Variants in HDX observed in about 807,000 individuals in gnomAD.
HDX encodes chromosome X open reading frame 43.
In HDX, 19 loss-of-function variants were observed where a neutral mutation model predicts 45.2. The observed-to-expected ratio is 0.42, with a 90% CI of 0.29 to 0.62. The LOEUF (loss-of-function observed/expected upper bound fraction) is 0.62, where lower values mean the gene tolerates loss of function less well. Among genes scored for constraint, HDX ranks in the 20% least tolerant of loss-of-function variants. The pLI, the probability that HDX is intolerant of heterozygous loss-of-function variation, is 0.20. For synonymous variants in HDX, 188 were observed against 172.8 expected (o/e 1.09, Z -0.69); for missense variants, 532 against 493.9 (o/e 1.08, Z -0.73).
Position 84,485,587 on chromosome X carries a change from G to A in HDX, c.-1+2437C>T, listed in dbSNP as rs189982225. On this transcript the variant is annotated intron_variant, in intron 2 of 10. Coordinates refer to ENST00000373177, the MANE Select transcript of HDX (RefSeq NM_001177479.2). ...TAATTTTTGTATTTTTAGTAGAGACGGGGTTTCACCATGTTGGCCAGGCTG... is the reference window on the plus strand; with the variant it reads ...TAATTTTTGTATTTTTAGTAGAGACAGGGTTTCACCATGTTGGCCAGGCTG... Among the ~76,000 whole-genome samples, 20 of 111,051 alleles carry A rather than the reference G, an allele frequency of 1.8e-4. No homozygotes were observed. The East Asian group carries it at 4.3e-3, about 24-fold the overall frequency.
At chrX:84,373,236 T>A (rs1267039756) in intron 5 of HDX, among the ~76,000 whole-genome samples, 1 of 111,473 alleles carries the variant, frequency 9.0e-6, no homozygotes, top group Non-Finnish European at 1.9e-5. Flanking sequence ...CGAGGAGCAC[T>A]TTTGATAGGA....
At chrX:84,458,554 C>T (rs1480422870) in intron 4 of HDX, among the ~76,000 whole-genome samples, 1 of 111,801 alleles carries the variant, frequency 8.9e-6, no homozygotes, top group Admixed American at 9.5e-5. Context: ...AAACATATAC[C>T]ATAATCACAT....
chrX:84,408,985 T>A (rs1379245650), intron 5 of HDX, among the ~76,000 whole-genome samples: 1 of 110,922 alleles, frequency 9.0e-6, no homozygotes, highest in Non-Finnish European at 1.9e-5. Flanking sequence ...GGGTTTTCTA[T>A]GTATATCCAG....
At chrX:84,500,548 C>A in intron 1 of HDX, among the ~76,000 whole-genome samples, 1 of 110,091 alleles carries the variant, frequency 9.1e-6, no homozygotes, top group East Asian at 2.9e-4. Context: ...CAATAATTGA[C>A]GTGGGAATTC....
At chrX:84,417,032 G>A (rs774983210) in intron 5 of HDX, among the ~76,000 whole-genome samples, 2 of 109,250 alleles carry the variant, frequency 1.8e-5, no homozygotes, top group Non-Finnish European at 3.8e-5. Flanking sequence ...GTGGGAGCCT[G>A]TATCCCAGCT....
At position 84,459,580 on chromosome X, in the gene HDX, C is replaced by T. The variant is rs187919712; in HGVS notation, c.1251+8892G>A. On this transcript the variant is annotated intron_variant, in intron 4 of 10. Transcript: ENST00000373177. ...GAGGAAAGTTTAAAGCTGTAAGTGCCTACATTCAAAAAGTAGAGAAAATTT... is the reference window on the plus strand; with the variant it reads ...GAGGAAAGTTTAAAGCTGTAAGTGCTTACATTCAAAAAGTAGAGAAAATTT... Among the ~76,000 whole-genome samples, 202 of 110,294 alleles carry T rather than the reference C, an allele frequency of 1.8e-3. 1 individual carries two copies. The highest frequency in any genetic ancestry group is 6.4e-3 in the African/African-American group (196 of 30,399).
At chrX:84,405,620 G>T (rs1307307063) in intron 5 of HDX, among the ~76,000 whole-genome samples, 2 of 86,226 alleles carry the variant, frequency 2.3e-5, no homozygotes, top group African/African-American at 4.4e-5. Flanking sequence ...TTTCTATTTG[G>T]AACTGTGGAT....
rs142903902 is a variant in HDX, at chrX:84,421,311, G to A, written c.1305+19221C>T. Among the ~76,000 whole-genome samples, 753 of 111,317 alleles carry A rather than the reference G, an allele frequency of 6.8e-3. 4 individuals carry two copies. Among genetic ancestry groups the A allele is most frequent in the Non-Finnish European group, 9.9e-3 (526 of 52,960 alleles). ...GATAAACTATAGAGTATTAGTTTCC[G>A]TTTTGCTTGTTTCTCATTTGTTTAT... On this transcript the variant is annotated intron_variant, in intron 5 of 10. Coordinates refer to ENST00000373177, the MANE Select transcript of HDX (RefSeq NM_001177479.2).
At chrX:84,369,222 A>C (rs980458148) in intron 5 of HDX, among the ~76,000 whole-genome samples, 5 of 112,334 alleles carry the variant, frequency 4.5e-5, no homozygotes, top group African/African-American at 1.6e-4. Flanking sequence ...CTCAAAGTTT[A>C]TCTATGTCAC....
chrX:84,459,674 G>GA (rs200553979), intron 4 of HDX, among the ~76,000 whole-genome samples: 64 of 102,268 alleles, frequency 6.3e-4, no homozygotes, highest in African/African-American at 1.2e-3. Context: ...AAAGTTATTA[G>GA]AAAAAAAAAA....
At chrX:84,413,216 C>T (rs1348089008) in intron 5 of HDX, among the ~76,000 whole-genome samples, 1 of 112,153 alleles carries the variant, frequency 8.9e-6, no homozygotes, top group Non-Finnish European at 1.9e-5. Context: ...AGAACTAAGA[C>T]ACTCTGGCTT....
chrX:84,473,686 G>A (rs757715080), intron 3 of HDX, among the ~76,000 whole-genome samples: 5 of 109,583 alleles, frequency 4.6e-5, no homozygotes, highest in East Asian at 5.7e-4. Context: ...ATAACACATC[G>A]GAAATATGAA....
intron 4 of HDX, among the ~76,000 whole-genome samples, chrX:84,445,369 G>A (rs2039850044): frequency 9.0e-6 from 1 of 111,275 alleles, no homozygotes; most frequent in South Asian, 3.7e-4. Flanking sequence ...TTTAGTATTA[G>A]CTGAGCATAG....
chrX:84,439,250 T>C (rs1284021729), intron 5 of HDX, among the ~76,000 whole-genome samples: 2 of 111,590 alleles, frequency 1.8e-5, no homozygotes, highest in Non-Finnish European at 3.8e-5. Context: ...TTATTTAGAC[T>C]GATTTTTAGC....
In HDX at chrX:84,397,038, G is replaced by T. The variant is rs1226369561; in HGVS notation, c.1306-35426C>A. Among the ~76,000 whole-genome samples, 4 of 112,143 alleles carry T rather than the reference G, an allele frequency of 3.6e-5. No individual in the cohort carries two copies. The East Asian group carries it at 1.1e-3, about 32-fold the overall frequency. On this transcript the variant is annotated intron_variant, in intron 5 of 10. Coordinates refer to ENST00000373177, the MANE Select transcript of HDX (RefSeq NM_001177479.2). ...TGGCAGCTGCCATATGCAGGTGTAT[G>T]GGGAGCATGCTCTTTGCTCACACTT...
chrX:84,463,961 T>C (rs1211749615), intron 4 of HDX, among the ~76,000 whole-genome samples: 1 of 111,672 alleles, frequency 9.0e-6, no homozygotes, highest in East Asian at 2.8e-4. Flanking sequence ...TTTCAATTTG[T>C]ACTCAGTTTT....
intron 5 of HDX, among the ~76,000 whole-genome samples, chrX:84,385,131 T>C (rs751902974): frequency 5.3e-4 from 58 of 108,418 alleles, no homozygotes; most frequent in African/African-American, 1.7e-3. Context: ...GCCATTTTAA[T>C]GATATTGATT....
chrX:84,384,709 TG>T (rs2038268007), intron 5 of HDX, among the ~76,000 whole-genome samples: 1 of 111,386 alleles, frequency 9.0e-6, no homozygotes, highest in Non-Finnish European at 1.9e-5. Context: ...TTATATATGG[TG>T]AAAGATAAGG....
At chrX:84,379,636 G>A (rs1166334912) in intron 5 of HDX, among the ~76,000 whole-genome samples, 1 of 111,157 alleles carries the variant, frequency 9.0e-6, no homozygotes, top group East Asian at 2.8e-4. Context: ...AATAACCAGT[G>A]GGTAAATAAA....
Sources: allele counts gnomAD v4.1 joint callset (sites outside exome capture counted in the v4.1 genomes callset), GRCh38; gene constraint gnomAD v4.1.1; transcripts MANE v1.5; gene names NCBI Gene and HGNC (gene_info 2026-07-23, HGNC 2026-07-21).